The following RBBP6 variants were observed in gnomAD, a reference collection of about 807,000 sequenced individuals.
RBBP6 encodes RB binding protein 6, ubiquitin ligase.
In RBBP6, 25 loss-of-function variants were observed where a neutral mutation model predicts 167.7. The ratio of observed to expected loss-of-function variants is 0.15; its 90% CI spans 0.11 to 0.21. The LOEUF is 0.21. RBBP6 is among the 10% of genes least tolerant of loss of function. The probability of loss-of-function intolerance (pLI) is 1.00; values close to 1 mark genes in which losing one functional copy is unlikely to be tolerated. For synonymous variants in RBBP6, 789 were observed against 735.8 expected (o/e 1.07, Z -1.17); for missense variants, 1,868 against 2,134.2 (o/e 0.88, Z 2.46).
chr16:24,561,058 G>T (rs1349642368), intron 8 of RBBP6, among the ~76,000 whole-genome samples: 1 of 141,922 alleles, frequency 7.0e-6, no homozygotes, highest in Non-Finnish European at 1.5e-5. Flanking sequence ...CTGTAATTTA[G>T]TGTTGCTCCC....
intron 1 of RBBP6, among the ~76,000 whole-genome samples, chr16:24,544,245 T>C (rs536557991): frequency 4.0e-4 from 61 of 152,282 alleles, no homozygotes; most frequent in African/African-American, 1.4e-3. Context: ...TTTAAAAAAA[T>C]CTAGTCACCC....
At position 24,540,362 on chromosome 16, in the gene RBBP6, C is replaced by T. The variant is rs1898453151; in HGVS notation, c.-265C>T. Reference sequence around the variant, plus strand: ...GGGGACCCAGCCGGGTGACATTGTGCCCGTTGGCGGATTCTCGATTTCCCC... The same window carrying T: ...GGGGACCCAGCCGGGTGACATTGTGTCCGTTGGCGGATTCTCGATTTCCCC... On this transcript the variant is annotated 5_prime_UTR_variant, in exon 1 of 18. Coordinates refer to ENST00000319715, the MANE Select transcript of RBBP6 (RefSeq NM_006910.5). 1 of 353,144 alleles carries T rather than the reference C, an allele frequency of 2.8e-6. No homozygotes were observed. The highest frequency in any genetic ancestry group is 4.4e-5 in the Admixed American group (1 of 22,484). 21.9% of individuals were successfully genotyped at this position (353,144 alleles called of 1,614,324 possible).
chr16:24,547,574 G>A (rs1446713970), intron 2 of RBBP6, among the ~76,000 whole-genome samples: 1 of 152,090 alleles, frequency 6.6e-6, no homozygotes, highest in Admixed American at 6.6e-5. Flanking sequence ...TCCTGCCTCA[G>A]CCTCCCAAGT....
rs1415266401 is a variant in RBBP6, at chr16:24,567,292, C to G, written c.1739C>G (p.Pro580Arg). The change falls in exon 15 of 18, where the codon CCT becomes CGT. Residue 580 changes from proline (P) to arginine (R), a missense_variant. By Grantham distance (103) the Pro-to-Arg change is moderately radical. This residue lies in a region of RBBP6 where 145 missense variants were observed against 224.3 expected (regional missense o/e 0.65). Transcript: ENST00000319715. ...HTLPLPPGVPPPQFSPQFPPG... is the reference protein window; with the variant it reads ...HTLPLPPGVPRPQFSPQFPPG... ...CTTCCTCTCCCTCCGGGTGTTCCTC[C>G]TCCACAGTTTTCTCCTCAGTTTCCT... The G allele has an allele frequency of 6.2e-7, 1 of 1,613,976 alleles. No individual in the cohort carries two copies. Among genetic ancestry groups the G allele is most frequent in the Non-Finnish European group, 8.5e-7 (1 of 1,180,014 alleles).
intron 14 of RBBP6, among the ~76,000 whole-genome samples, chr16:24,565,380 G>A (rs1035140030): frequency 2.6e-5 from 4 of 152,204 alleles, no homozygotes; most frequent in Non-Finnish European, 4.4e-5. Context: ...TAAGAAGTAA[G>A]AATCTTACTG....
chr16:24,567,427 C>G lies in RBBP6; in HGVS notation c.1874C>G (p.Ser625Ter). 6.2e-7 allele frequency: 1 copy of G among 1,614,168 alleles called. No individual in the cohort carries two copies. Among genetic ancestry groups the G allele is most frequent in the Non-Finnish European group, 8.5e-7 (1 of 1,179,988 alleles). The stretch of plus-strand genomic sequence containing the variant: ...TCATCAGGAGTGCAGACAGCTCATT[C>G]AAATACCATCCCAACAACACAAGCA... ...WVSSGVQTAH[S>*]NTIPTTQAPP... Residue 625 changes from serine (S) to a stop codon, truncating the protein, a stop_gained, in exon 15 of 18, where the codon TCA (serine) becomes TGA (stop). Coordinates refer to ENST00000319715, the MANE Select transcript of RBBP6 (RefSeq NM_006910.5). LOFTEE classifies it high-confidence loss of function.
At chr16:24,557,182 A>C (rs58353333) in intron 7 of RBBP6, among the ~76,000 whole-genome samples, 2,875 of 151,846 alleles carry the variant, frequency 0.019, 91 homozygotes, top group African/African-American at 0.066. Flanking sequence ...GTATTTTTTT[A>C]GTAGAGACGG....
At chr16:24,544,978 A>G (rs1898603434) in intron 1 of RBBP6, among the ~76,000 whole-genome samples, 1 of 152,138 alleles carries the variant, frequency 6.6e-6, no homozygotes, top group African/African-American at 2.4e-5. Context: ...TCACATCATA[A>G]CACAGGTCGT....
At chr16:24,568,544 T>C (rs1899247291) in intron 16 of RBBP6, among the ~76,000 whole-genome samples, 1 of 152,234 alleles carries the variant, frequency 6.6e-6, no homozygotes, top group Non-Finnish European at 1.5e-5. Context: ...GACTTCACTT[T>C]TGTTTTGTAA....
At chr16:24,549,015 A>G in intron 3 of RBBP6, 34 bp downstream of exon 3, 1 of 1,604,654 alleles carries the variant, frequency 6.2e-7, no homozygotes, top group Non-Finnish European at 8.5e-7. Flanking sequence ...CTTTTTCTAC[A>G]CATTGCTTTT....
At chr16:24,541,083 C>T (rs1272191892) in intron 1 of RBBP6, among the ~76,000 whole-genome samples, 1 of 149,572 alleles carries the variant, frequency 6.7e-6, no homozygotes, top group East Asian at 2.0e-4. Context: ...AGGGGGATAG[C>T]TATCTAGACT....
At chr16:24,550,372 T>G (rs28538344) in intron 3 of RBBP6, among the ~76,000 whole-genome samples, 2 of 69,262 alleles carry the variant, frequency 2.9e-5, no homozygotes, top group East Asian at 3.6e-4. Context: ...TGTTTTTTTG[T>G]TTTTTTTTTT....
chr16:24,550,332 T>C (rs929313470), intron 3 of RBBP6, among the ~76,000 whole-genome samples: 11 of 151,208 alleles, frequency 7.3e-5, no homozygotes, highest in East Asian at 1.9e-4. Flanking sequence ...GGTTTTTTTT[T>C]CCTCTTTTTG....
At chr16:24,565,354 A>G (rs967051651) in intron 14 of RBBP6, among the ~76,000 whole-genome samples, 15 of 152,356 alleles carry the variant, frequency 9.8e-5, no homozygotes, top group Non-Finnish European at 1.9e-4. Flanking sequence ...GTGGGCGGGT[A>G]CAAGCAATAT....
At chr16:24,570,623 G>A in intron 17 of RBBP6, 124 bp downstream of exon 17, 2 of 948,372 alleles carry the variant, frequency 2.1e-6, no homozygotes, top group Non-Finnish European at 3.0e-6. Flanking sequence ...CTGGTTTTAT[G>A]TAGTCTTTTG....
rs1348227555 is a variant in RBBP6, at chr16:24,570,898, C to T, written c.3832C>T (p.Pro1278Ser). 6.4e-7 allele frequency: 1 copy of T among 1,574,536 alleles called. No homozygotes were observed. Among genetic ancestry groups the T allele is most frequent in the South Asian group, 1.2e-5 (1 of 84,510 alleles). Residue 1278 changes from proline (P) to serine (S), a missense_variant, in exon 18 of 18, where the codon CCT (proline) becomes TCT (serine). Around this residue, in one of 7 missense-constraint regions of RBBP6, gnomAD observed 673 missense variants for 691.5 expected, o/e 0.97. Coordinates refer to ENST00000319715, the MANE Select transcript of RBBP6 (RefSeq NM_006910.5). ...YTSTSSTGGS[P>S]VRKSEEKTDT... ...TAGTACGAGCTCAACTGGAGGCAGTCCTGTGCGGAAATCTGAAGAAAAAAC... is the reference window on the plus strand; with the variant it reads ...TAGTACGAGCTCAACTGGAGGCAGTTCTGTGCGGAAATCTGAAGAAAAAAC...
At chr16:24,543,404 C>T (rs571871753) in intron 1 of RBBP6, among the ~76,000 whole-genome samples, 1 of 151,994 alleles carries the variant, frequency 6.6e-6, no homozygotes, top group Non-Finnish European at 1.5e-5. Flanking sequence ...CCACCTCAGC[C>T]TCCCAAGTAG....
At chr16:24,568,627 A>T in intron 16 of RBBP6, 118 bp from the exon 17 acceptor site, 1 of 1,373,466 alleles carries the variant, frequency 7.3e-7, no homozygotes, top group Non-Finnish European at 9.6e-7. Flanking sequence ...ATCATCTAAG[A>T]TGAAATTTGA....
rs1028145147 is a variant in RBBP6 at position 24,564,997 on chromosome 16, T to A, written c.1589+132T>A. 1.3e-5 allele frequency: 18 copies of A among 1,368,568 alleles called. 1 individual carries two copies. In the African/African-American group the frequency reaches 2.5e-4, roughly 19 times the overall value. 84.8% of individuals were successfully genotyped at this position (1,368,568 alleles called of 1,614,324 possible). ...TTGTATTGTGCTTATCCCTCTTAAGTCCTGGGTAGTTGTCCTTAAAGAGGG... is the reference window on the plus strand; with the variant it reads ...TTGTATTGTGCTTATCCCTCTTAAGACCTGGGTAGTTGTCCTTAAAGAGGG... On this transcript the variant is annotated intron_variant, in intron 14 of 17. Coordinates refer to ENST00000319715, the MANE Select transcript of RBBP6 (RefSeq NM_006910.5).
Sources: allele counts gnomAD v4.1 joint callset (sites outside exome capture counted in the v4.1 genomes callset), GRCh38; gene constraint gnomAD v4.1.1; regional missense constraint gnomAD v4.1.1; transcripts MANE v1.5; gene names NCBI Gene and HGNC (gene_info 2026-07-23, HGNC 2026-07-21).